The following CLN6 variants were observed in gnomAD, a reference collection of about 807,000 sequenced individuals.
CLN6 encodes the protein CLN6 transmembrane ER protein.
In CLN6, 22 loss-of-function variants were observed where a neutral mutation model predicts 33.3. The observed-to-expected ratio is 0.66, with a 90% CI of 0.47 to 0.94. The LOEUF is 0.94. Among genes scored for constraint, CLN6 ranks in the 40% least tolerant of loss-of-function variants. The probability of loss-of-function intolerance (pLI) is 0.00; values close to 1 mark genes in which losing one functional copy is unlikely to be tolerated. For missense variants in CLN6, 387 were observed against 417.1 expected (o/e 0.93, Z 0.63); for synonymous variants, 201 against 174.6 (o/e 1.15, Z -1.19).
chr15:68,221,538 G>C (rs2093236004), intron 1 of CLN6, among the ~76,000 whole-genome samples: 1 of 152,120 alleles, frequency 6.6e-6, no homozygotes, highest in East Asian at 1.9e-4. Context: ...AATGCTCAAT[G>C]TTGCCCAGGC....
Position 68,243,838 on chromosome 15 carries a change from C to T in CLN6, c.179+12852G>A, listed in dbSNP as rs143901400. ...CAGCACTTTGGGAGGCTGAGGTGGG[C>T]GGATCACAAGGTCAGGAGATCGAGA... On this transcript the variant is annotated intron_variant, in intron 1 of 6. Coordinates refer to the CLN6 transcript ENST00000538696. Among the ~76,000 whole-genome samples, 186 of 150,416 alleles carry T rather than the reference C, an allele frequency of 1.2e-3. 3 individuals carry two copies. In the South Asian group the frequency reaches 0.021, roughly 17 times the overall value.
chr15:68,254,386 A>C (rs945647654), intron 1 of CLN6, among the ~76,000 whole-genome samples: 1 of 152,174 alleles, frequency 6.6e-6, no homozygotes, highest in African/African-American at 2.4e-5. Context: ...CCTGTCTGCT[A>C]CCATAGCACT....
chr15:68,235,581 A>AAATAAAT (rs1567103316), intron 1 of CLN6, among the ~76,000 whole-genome samples: 81 of 70,688 alleles, frequency 1.1e-3, no homozygotes, highest in African/African-American at 4.0e-3. Context: ...AAAAAAAATA[A>AAATAAAT]AAATAAATAT....
chr15:68,254,725 AC>A lies in CLN6; in HGVS notation c.179+1964del, dbSNP rs200776652. 3,177 of 755,188 alleles carry A rather than the reference AC, an allele frequency of 4.2e-3. 83 individuals carry two copies. The African/African-American group carries it at 0.048, about 11-fold the overall frequency. The allele number at this position is 755,188 out of a possible 1,614,324, so 46.8% of individuals were successfully genotyped here. On this transcript the variant is annotated intron_variant, in intron 1 of 6. Coordinates refer to the CLN6 transcript ENST00000538696. ...GAAGATCCACGAGGTTTTCTGCTAA[AC>A]CTGCTCCTCCAAAGCCAGAGCCCAA...
intron 1 of CLN6, among the ~76,000 whole-genome samples, chr15:68,223,097 CTGAGAAA>C (rs2093242465): frequency 6.6e-6 from 1 of 151,720 alleles, no homozygotes; most frequent in African/African-American, 2.4e-5. Context: ...ATCCCCCTCT[CTGAGAAA>C]CACCCAAGAA....
chr15:68,223,649 A>G (rs1274486497), intron 1 of CLN6, among the ~76,000 whole-genome samples: 3 of 152,114 alleles, frequency 2.0e-5, no homozygotes, highest in Non-Finnish European at 2.9e-5. Flanking sequence ...CCCAGCATAC[A>G]CTAGAGGCTC....
intron 1 of CLN6, among the ~76,000 whole-genome samples, chr15:68,243,456 T>A (rs998947525): frequency 6.6e-5 from 10 of 152,184 alleles, no homozygotes; most frequent in African/African-American, 2.4e-4. Flanking sequence ...TAAAATTTTA[T>A]TTAAAAAACT....
Position 68,210,844 on chromosome 15 carries a change from C to A in CLN6, c.542+419G>T, listed in dbSNP as rs951705381. ...TTCCTCCACTCCCAAAGAGCAGGCC[C>A]GACACGGGTGGGGGTCCCTGGCTGT... On this transcript the variant is annotated intron_variant, in intron 5 of 6. Coordinates refer to ENST00000249806, the MANE Select transcript of CLN6 (RefSeq NM_017882.3). This position sits in a 1 kb window ranked among gnomAD's most constrained non-coding sequence, Gnocchi z 5.6. 6.6e-6 allele frequency among the ~76,000 whole-genome samples: 1 copy of A among 152,174 alleles called. No homozygotes were observed. The highest frequency in any genetic ancestry group is 1.5e-5 in the Non-Finnish European group (1 of 68,020).
rs1892288286 is a variant in CLN6 at position 68,242,478 on chromosome 15, G to C, written c.179+14212C>G. ...TCTAATAATTATTGGTGTTCAAGAG[G>C]GAGTTGAGCAAGAACAAGGGGTACA... On this transcript the variant is annotated intron_variant, in intron 1 of 6. Transcript: ENST00000538696. The surrounding 1 kb of genome is among the most constrained non-coding windows in gnomAD (Gnocchi z 5.0). 6.6e-6 allele frequency among the ~76,000 whole-genome samples: 1 copy of C among 151,782 alleles called. No individual in the cohort carries two copies. The highest frequency in any genetic ancestry group is 1.5e-5 in the Non-Finnish European group (1 of 67,956).
intron 1 of CLN6, among the ~76,000 whole-genome samples, chr15:68,251,165 CCA>C (rs1892374712): frequency 6.6e-6 from 1 of 152,042 alleles, no homozygotes; most frequent in South Asian, 2.1e-4. Context: ...TAACTTTAGT[CCA>C]TCACATTAAA....
chr15:68,222,483 G>A (rs1210815733), intron 1 of CLN6, among the ~76,000 whole-genome samples: 7 of 147,778 alleles, frequency 4.7e-5, no homozygotes, highest in South Asian at 2.2e-4. Flanking sequence ...CTGCCCGGCC[G>A]CCCCGTCTGG....
Position 68,236,886 on chromosome 15 carries a change from G to A in CLN6, c.180-18236C>T, listed in dbSNP as rs1041207411. The stretch of plus-strand genomic sequence containing the variant: ...AAACTGAATGGAGGCGGCCGGGCGC[G>A]GTGGCTCACGCCTGTAATCCCAGCA... On this transcript the variant is annotated intron_variant, in intron 1 of 6. Coordinates refer to the CLN6 transcript ENST00000538696. This position sits in a 1 kb window ranked among gnomAD's most constrained non-coding sequence, Gnocchi z 4.5. 3.9e-5 allele frequency among the ~76,000 whole-genome samples: 6 copies of A among 152,094 alleles called. No homozygotes were observed. The highest frequency in any genetic ancestry group is 2.6e-4 in the Admixed American group (4 of 15,264).
intron 2 of CLN6, among the ~76,000 whole-genome samples, chr15:68,216,521 G>A (rs2141143400): frequency 6.6e-6 from 1 of 152,290 alleles, no homozygotes; most frequent in South Asian, 2.1e-4. Context: ...CACCTATCAA[G>A]TCTTTGATCC....
intron 1 of CLN6, among the ~76,000 whole-genome samples, chr15:68,237,985 T>C (rs1257136627): frequency 6.6e-6 from 1 of 151,680 alleles, no homozygotes; most frequent in Non-Finnish European, 1.5e-5. Context: ...TAGCTGAGCG[T>C]GGTGGTGGGT....
In CLN6 at chr15:68,246,231, T is replaced by A. The variant is rs1892328243; in HGVS notation, c.179+10459A>T. Among the ~76,000 whole-genome samples, 1 of 152,186 alleles carries A rather than the reference T, an allele frequency of 6.6e-6. No individual in the cohort carries two copies. Among genetic ancestry groups the A allele is most frequent in the South Asian group, 2.1e-4 (1 of 4,836 alleles). On this transcript the variant is annotated intron_variant, in intron 1 of 6. Coordinates refer to the CLN6 transcript ENST00000538696. The surrounding 1 kb of genome is among the most constrained non-coding windows in gnomAD (Gnocchi z 4.5). Reference sequence around the variant, plus strand: ...AGACCAAATAGGCCTAACTGACGTTTACAGAACATTTCACCCAACTGCTGC... The same window carrying A: ...AGACCAAATAGGCCTAACTGACGTTAACAGAACATTTCACCCAACTGCTGC...
Position 68,227,106 on chromosome 15 carries a change from C to T in CLN6, c.83+2396G>A, listed in dbSNP as rs2093254625. ...AGGCTGGAGTGCAGTGGCGCCATCT[C>T]GGCTCACTACAACCTCCGCCTCCCA... On this transcript the variant is annotated intron_variant, in intron 1 of 6. Coordinates refer to ENST00000249806, the MANE Select transcript of CLN6 (RefSeq NM_017882.3). This position sits in a 1 kb window ranked among gnomAD's most constrained non-coding sequence, Gnocchi z 4.1. Among the ~76,000 whole-genome samples the T allele has an allele frequency of 6.6e-6, 1 of 151,238 alleles. No individual in the cohort carries two copies. Among genetic ancestry groups the T allele is most frequent in the Non-Finnish European group, 1.5e-5 (1 of 67,848 alleles).
At chr15:68,244,150 A>AATG (rs886678756) in intron 1 of CLN6, among the ~76,000 whole-genome samples, 5 of 152,094 alleles carry the variant, frequency 3.3e-5, no homozygotes, top group South Asian at 2.1e-4. Context: ...TAATAATAAT[A>AATG]ATAACAGAAA....
chr15:68,234,166 C>T (rs1892193044), upstream of CLN6, among the ~76,000 whole-genome samples: 1 of 152,242 alleles, frequency 6.6e-6, no homozygotes, highest in Non-Finnish European at 1.5e-5. This position sits in a 1 kb window ranked among gnomAD's most constrained non-coding sequence, Gnocchi z 4.1. Flanking sequence ...ACCCACAACA[C>T]TGTTTCCATG....
At chr15:68,253,189 A>G (rs188394909) in intron 1 of CLN6, among the ~76,000 whole-genome samples, 1 of 152,366 alleles carries the variant, frequency 6.6e-6, no homozygotes, top group Non-Finnish European at 1.5e-5. Context: ...GCTTTCTAGC[A>G]GCATTCTAAT....
Sources: gnomAD v4.1 joint callset for allele counts (sites outside exome capture counted in the v4.1 genomes callset) on GRCh38, gnomAD v4.1.1 for gene constraint, Gnocchi (gnomAD v3.1) non-coding constraint, MANE v1.5 for transcripts, NCBI Gene and HGNC (gene_info 2026-07-23, HGNC 2026-07-21) for gene names.